Variants in ARHGEF2 observed in about 807,000 individuals in gnomAD.
ARHGEF2 encodes Rho/Rac guanine nucleotide exchange factor 2, also known as rho guanine nucleotide exchange factor 2.
Under a neutral mutation model 121.0 loss-of-function variants are expected in ARHGEF2, and 22 were observed. The observed-to-expected ratio is 0.18, with a 90% CI of 0.13 to 0.26. The LOEUF (loss-of-function observed/expected upper bound fraction) is 0.26. ARHGEF2 is among the 10% of genes least tolerant of loss of function. The probability of loss-of-function intolerance (pLI) is 1.00; values close to 1 mark genes in which losing one functional copy is unlikely to be tolerated. For missense variants in ARHGEF2, 907 were observed against 1,336.0 expected (o/e 0.68, Z 5.01); for synonymous variants, 487 against 530.0 (o/e 0.92, Z 1.11).
intron 1 of ARHGEF2, among the ~76,000 whole-genome samples, chr1:155,976,715 C>T (rs1170024410): frequency 6.6e-6 from 1 of 150,850 alleles, no homozygotes; most frequent in Non-Finnish European, 1.5e-5. Flanking sequence ...AAAACCTCCC[C>T]CGCCCCCCTT....
intron 14 of ARHGEF2, 27 bp downstream of exon 14, chr1:155,954,868 AAATTACT>A: frequency 1.9e-6 from 3 of 1,589,502 alleles, no homozygotes; most frequent in Non-Finnish European, 2.6e-6. Flanking sequence ...AATGTATTAT[AAATTACT>A]AAGGAGCTCC....
chr1:155,950,187 A>C lies in ARHGEF2; in HGVS notation c.2887+112T>G. On this transcript the variant is annotated intron_variant, in intron 21 of 21. Transcript: ENST00000361247. This position sits in a 1 kb window ranked among gnomAD's most constrained non-coding sequence, Gnocchi z 5.2. ...CAGACAAAACAGGAAGTCCCTCCCT[A>C]GAGTTACTACAAGCCTCACAGGTCA... The C allele has an allele frequency of 2.5e-5, 33 of 1,314,662 alleles. No homozygotes were observed. Among genetic ancestry groups the C allele is most frequent in the Non-Finnish European group, 3.1e-5 (30 of 955,786 alleles). The allele number at this position is 1,314,662 out of a possible 1,614,324, so 81.4% of individuals were successfully genotyped here. A position where few individuals can be genotyped will look rare whatever the true frequency, so the allele number is the denominator to read the frequency against.
In ARHGEF2 at chr1:155,955,779, G is replaced by C. The variant is rs368527286; in HGVS notation, c.1716-810C>G. On this transcript the variant is annotated intron_variant, in intron 13 of 21. Transcript: ENST00000361247. ...CGCCCAGGCTGGAGTCCAGTGACAG[G>C]ATCTTGGCTCACTGCAACCTCTGCC... is the stretch of plus-strand genomic sequence containing the variant. 1.2e-4 allele frequency among the ~76,000 whole-genome samples: 18 copies of C among 152,130 alleles called. No homozygotes were observed. In the East Asian group the frequency reaches 1.9e-3, roughly 16 times the overall value.
intron 3 of ARHGEF2, 85 bp downstream of exon 3, chr1:155,966,735 G>A (rs1679457448): frequency 7.1e-6 from 10 of 1,404,574 alleles, no homozygotes; most frequent in African/African-American, 1.4e-5. Flanking sequence ...GAGAAACACA[G>A]GGTAGGGAAT....
Position 155,961,779 on chromosome 1 carries a change from G to A in ARHGEF2, c.1350C>T (p.Asp450=). The A allele has an allele frequency of 6.2e-7, 1 of 1,614,198 alleles. No homozygotes were observed. Among genetic ancestry groups the A allele is most frequent in the Non-Finnish European group, 8.5e-7 (1 of 1,180,036 alleles). Residue 450 remains aspartate, a synonymous_variant, in exon 11 of 22, where the codon GAC becomes GAT. Transcript: ENST00000361247. This position sits in a 1 kb window ranked among gnomAD's most constrained non-coding sequence, Gnocchi z 4.7. Reference sequence around the variant, plus strand: ...CAGGCACTGGGGTTTGGGCCCGAGGGTCCATGCGGTTGTAGATCTCCTGCA... The same window carrying A: ...CAGGCACTGGGGTTTGGGCCCGAGGATCCATGCGGTTGTAGATCTCCTGCA... The part of the protein sequence containing the change: ...ARLQEIYNRM[D]PRAQTPVPGK...
intron 7 of ARHGEF2, among the ~76,000 whole-genome samples, chr1:155,964,092 C>T (rs1417784553): frequency 7.2e-6 from 1 of 139,170 alleles, no homozygotes; most frequent in Non-Finnish European, 1.5e-5. Context: ...TTGCAGTGAG[C>T]CGAGATAGCG....
In ARHGEF2 at chr1:155,950,426, T is replaced by A; in HGVS notation, c.2760A>T (p.Arg920=). The A allele has an allele frequency of 6.2e-7, 1 of 1,614,116 alleles. No homozygotes were observed. The highest frequency in any genetic ancestry group is 1.1e-5 in the South Asian group (1 of 91,084). Residue 920 remains arginine (R), a synonymous_variant, in exon 21 of 22, where the codon CGA becomes CGT. Coordinates refer to ENST00000361247, the MANE Select transcript of ARHGEF2 (RefSeq NM_001162383.2). This position sits in a 1 kb window ranked among gnomAD's most constrained non-coding sequence, Gnocchi z 5.2. ...DLPVTTRSVH[R]NFEDRERQEL... is the part of the protein sequence containing the mutation. Reference sequence around the variant, plus strand: ...CCTGCCTCTCTCGGTCCTCAAAGTTTCGATGGACAGAGCGAGTAGTGACAG... The same window carrying A: ...CCTGCCTCTCTCGGTCCTCAAAGTTACGATGGACAGAGCGAGTAGTGACAG...
At chr1:155,969,113 T>C (rs773846990) in intron 2 of ARHGEF2, 43 bp downstream of exon 2, 21 of 1,609,984 alleles carry the variant, frequency 1.3e-5, no homozygotes, top group Non-Finnish European at 1.6e-5. Flanking sequence ...TCAGGGTCAG[T>C]GGGCACCGAG....
chr1:155,961,634 C>T lies in ARHGEF2; in HGVS notation c.1468+27G>A. On this transcript the variant is annotated intron_variant, in intron 11 of 21. Transcript: ENST00000361247. The surrounding 1 kb of genome is among the most constrained non-coding windows in gnomAD (Gnocchi z 4.7). ...CCACTCTCCATCTGACTTTGAATTC[C>T]TGCCTAGTCTGCCGAGCAGGTCTGA... The T allele has an allele frequency of 6.3e-7, 1 of 1,593,538 alleles. No homozygotes were observed. The highest frequency in any genetic ancestry group is 1.1e-5 in the South Asian group (1 of 90,634).
chr1:155,965,225 A>G lies in ARHGEF2; in HGVS notation c.580+78T>C. The G allele has an allele frequency of 6.2e-7, 1 of 1,607,350 alleles. No homozygotes were observed. Among genetic ancestry groups the G allele is most frequent in the South Asian group, 1.1e-5 (1 of 90,810 alleles). On this transcript the variant is annotated intron_variant, in intron 6 of 21. Coordinates refer to ENST00000361247, the MANE Select transcript of ARHGEF2 (RefSeq NM_001162383.2). This position sits in a 1 kb window ranked among gnomAD's most constrained non-coding sequence, Gnocchi z 6.0. ...AGATCCCTTCCCTCCTTGTCCTTCC[A>G]GGCTACTCCCACCAGCCTCTCATCC...
At chr1:155,964,597 A>C (rs1678963590) in intron 7 of ARHGEF2, among the ~76,000 whole-genome samples, 1 of 152,002 alleles carries the variant, frequency 6.6e-6, no homozygotes, top group African/African-American at 2.4e-5. Flanking sequence ...GCCAAGAGGG[A>C]AAGGGTTTTG....
Position 155,962,632 on chromosome 1 carries a change from C to A in ARHGEF2, c.1062G>T (p.Glu354Asp). The change falls in exon 9 of 22, where the codon GAG becomes GAT. Residue 354 changes from glutamate to aspartate, a missense_variant. This residue lies in a region of ARHGEF2 where 475 missense variants were observed against 776.5 expected (regional missense o/e 0.61). Coordinates refer to ENST00000361247, the MANE Select transcript of ARHGEF2 (RefSeq NM_001162383.2). The surrounding 1 kb of genome is among the most constrained non-coding windows in gnomAD (Gnocchi z 5.8). ...GGAAGCGTTTGTCTCGGGCGTACAG[C>A]TCCTTATAGAGCTTTAAGGCCTTGC... is the stretch of plus-strand genomic sequence containing the variant. ...RHSKALKLYK[E>D]LYARDKRFQQ... 6.2e-7 allele frequency: 1 copy of A among 1,614,164 alleles called. No individual in the cohort carries two copies. The highest frequency in any genetic ancestry group is 8.5e-7 in the Non-Finnish European group (1 of 1,180,028).
chr1:155,948,632 AAAAACAAAAC>A (rs537632355), intron 21 of ARHGEF2, among the ~76,000 whole-genome samples: 2 of 152,054 alleles, frequency 1.3e-5, no homozygotes, highest in Middle Eastern at 3.2e-3. Context: ...CTGTCTCAAA[AAAAACAAAAC>A]AAAACAAAAC....
At position 155,978,437 on chromosome 1, in the gene ARHGEF2, G is replaced by C. The variant is rs766281258; in HGVS notation, c.-10C>G. 2.7e-6 allele frequency: 4 copies of C among 1,488,084 alleles called. No individual in the cohort carries two copies. The highest frequency in any genetic ancestry group is 3.6e-6 in the Non-Finnish European group (4 of 1,104,594). 92.2% of individuals were successfully genotyped at this position (1,488,084 alleles called of 1,614,324 possible). ...ATTCGATCCGAGACATAATCGGACG[G>C]GGGGACCAGGGAGGACGCGGCGCGG... On this transcript the variant is annotated 5_prime_UTR_variant, in exon 1 of 22. Transcript: ENST00000361247. The surrounding 1 kb of genome is among the most constrained non-coding windows in gnomAD (Gnocchi z 4.1).
intron 1 of ARHGEF2, among the ~76,000 whole-genome samples, chr1:155,972,940 G>GGTCTC (rs1680723001): frequency 2.6e-5 from 4 of 151,966 alleles, no homozygotes; most frequent in Admixed American, 2.6e-4. Flanking sequence ...CTAGGATCAA[G>GGTCTC]TGATCCTCCT....
At chr1:155,956,920 G>A (rs1432114948) in intron 13 of ARHGEF2, among the ~76,000 whole-genome samples, 2 of 151,084 alleles carry the variant, frequency 1.3e-5, no homozygotes, top group Non-Finnish European at 2.9e-5. Context: ...AATTTGCCTG[G>A]GGTCGTGGTG....
chr1:155,973,868 C>T (rs1320158945), intron 1 of ARHGEF2, among the ~76,000 whole-genome samples: 1 of 152,040 alleles, frequency 6.6e-6, no homozygotes, highest in Admixed American at 6.5e-5. Context: ...CTTTGTCTCC[C>T]AGAATAAGGG....
Position 155,961,024 on chromosome 1 carries a change from G to C in ARHGEF2, c.1468+637C>G, listed in dbSNP as rs574597686. On this transcript the variant is annotated intron_variant, in intron 11 of 21. Coordinates refer to ENST00000361247, the MANE Select transcript of ARHGEF2 (RefSeq NM_001162383.2). The surrounding 1 kb of genome is among the most constrained non-coding windows in gnomAD (Gnocchi z 4.7). The stretch of plus-strand genomic sequence containing the variant: ...AAGCTCTTGCTTACTCCCATCCCTG[G>C]TAGCTGGGATTCCAGCTGGGGGAAT... Among the ~76,000 whole-genome samples the C allele has an allele frequency of 2.0e-5, 3 of 152,226 alleles. No individual in the cohort carries two copies. The highest frequency in any genetic ancestry group is 1.5e-5 in the Non-Finnish European group (1 of 68,020).
chr1:155,969,586 G>C (rs1680081777), intron 1 of ARHGEF2: 12 of 1,270,842 alleles, frequency 9.4e-6, no homozygotes, highest in Non-Finnish European at 1.2e-5. Flanking sequence ...CCTGGCTCTA[G>C]GTCTCTGCGT....
Sources: gnomAD v4.1 joint callset for allele counts (sites outside exome capture counted in the v4.1 genomes callset) on GRCh38, gnomAD v4.1.1 for gene constraint, gnomAD v4.1.1 regional missense constraint, Gnocchi (gnomAD v3.1) non-coding constraint, MANE v1.5 for transcripts, NCBI Gene and HGNC (gene_info 2026-07-23, HGNC 2026-07-21) for gene names.